Variants in COX7B2 observed in about 807,000 individuals in gnomAD.
COX7B2 encodes the protein cytochrome c oxidase subunit 7B2, mitochondrial.
For synonymous variants in COX7B2, 37 were observed against 32.1 expected (o/e 1.15, Z -0.51); for missense variants, 109 against 95.9 (o/e 1.14, Z -0.57).
intron 2 of COX7B2, among the ~76,000 whole-genome samples, chr4:46,809,650 TTCA>T (rs926659746): frequency 5.9e-5 from 9 of 151,944 alleles, no homozygotes; most frequent in Non-Finnish European, 1.3e-4. Context: ...GACTTAAATA[TTCA>T]TACATTTTTA....
intron 1 of COX7B2, among the ~76,000 whole-genome samples, chr4:46,893,810 T>A (rs1223490459): frequency 6.6e-6 from 1 of 152,006 alleles, no homozygotes; most frequent in Non-Finnish European, 1.5e-5. Context: ...TCACATAAAA[T>A]AATCAAAGAG....
intron 2 of COX7B2, among the ~76,000 whole-genome samples, chr4:46,806,224 T>C (rs552449379): frequency 6.6e-6 from 1 of 152,214 alleles, no homozygotes; most frequent in East Asian, 1.9e-4. Context: ...CAGGTGTATG[T>C]ATTTTTGTAT....
intron 1 of COX7B2, among the ~76,000 whole-genome samples, chr4:46,863,968 C>T (rs914909880): frequency 3.9e-5 from 6 of 152,256 alleles, no homozygotes; most frequent in African/African-American, 1.4e-4. Context: ...AAAACTAATT[C>T]AGGTCATGAT....
intron 2 of COX7B2, among the ~76,000 whole-genome samples, chr4:46,832,491 CA>C (rs1257719160): frequency 6.6e-6 from 1 of 152,084 alleles, no homozygotes; most frequent in African/African-American, 2.4e-5. Flanking sequence ...AATACACTGG[CA>C]AAAACCAGTT....
chr4:46,782,225 A>G (rs1717501610), intron 2 of COX7B2, among the ~76,000 whole-genome samples: 1 of 152,166 alleles, frequency 6.6e-6, no homozygotes, highest in Non-Finnish European at 1.5e-5. Flanking sequence ...TGCACCAATC[A>G]GCACTCTGTA....
At chr4:46,867,898 T>C (rs747006064) in intron 1 of COX7B2, among the ~76,000 whole-genome samples, 4 of 152,186 alleles carry the variant, frequency 2.6e-5, no homozygotes, top group Non-Finnish European at 5.9e-5. Context: ...ACAGAAAGAG[T>C]TGGGGAGGAG....
chr4:46,754,577 A>T (rs1315851946), intron 2 of COX7B2, among the ~76,000 whole-genome samples: 2 of 146,790 alleles, frequency 1.4e-5, no homozygotes, highest in East Asian at 2.1e-4. Flanking sequence ...GCATTAGGAG[A>T]TATACCTAAT....
At chr4:46,798,579 G>A (rs916647322) in intron 2 of COX7B2, among the ~76,000 whole-genome samples, 2 of 152,170 alleles carry the variant, frequency 1.3e-5, no homozygotes, top group African/African-American at 4.8e-5. Flanking sequence ...ACAAGGCCCT[G>A]CCATGATCTG....
intron 2 of COX7B2, among the ~76,000 whole-genome samples, chr4:46,777,585 G>A (rs543268400): frequency 6.5e-4 from 99 of 152,208 alleles, no homozygotes; most frequent in African/African-American, 2.3e-3. Flanking sequence ...GGTATAAATG[G>A]GGGAACTTGC....
chr4:46,807,329 A>G (rs993313220), intron 2 of COX7B2, among the ~76,000 whole-genome samples: 3 of 151,882 alleles, frequency 2.0e-5, no homozygotes, highest in Non-Finnish European at 2.9e-5. Flanking sequence ...GTGTCTATTC[A>G]TGTCTTCTGA....
At chr4:46,780,034 A>G (rs1350554436) in intron 2 of COX7B2, among the ~76,000 whole-genome samples, 3 of 152,232 alleles carry the variant, frequency 2.0e-5, no homozygotes, top group Non-Finnish European at 4.4e-5. Context: ...CACTATGGAT[A>G]TGCATATCAA....
At chr4:46,789,411 T>A (rs989461936) in intron 2 of COX7B2, among the ~76,000 whole-genome samples, 9 of 152,140 alleles carry the variant, frequency 5.9e-5, no homozygotes, top group Non-Finnish European at 1.0e-4. Context: ...CTCAAAAAAA[T>A]TTTTAAATCT....
intron 2 of COX7B2, among the ~76,000 whole-genome samples, chr4:46,775,601 T>C (rs1444233292): frequency 6.6e-6 from 1 of 152,134 alleles, no homozygotes; most frequent in Non-Finnish European, 1.5e-5. Context: ...AAAAGAAGCG[T>C]CTGAATAATG....
intron 2 of COX7B2, among the ~76,000 whole-genome samples, chr4:46,836,100 G>T (rs1715496250): frequency 6.6e-6 from 1 of 152,168 alleles, no homozygotes; most frequent in Non-Finnish European, 1.5e-5. Context: ...CTGAGTGAGT[G>T]TGAAGACCTA....
At position 46,788,493 on chromosome 4, in the gene COX7B2, G is replaced by T. The variant is rs552928446; in HGVS notation, c.-49-53252C>A. On this transcript the variant is annotated intron_variant, in intron 2 of 2. Coordinates refer to ENST00000355591, the MANE Select transcript of COX7B2 (RefSeq NM_130902.3). The stretch of plus-strand genomic sequence containing the variant: ...TCTATTTCAAGTAAAATGGCTGTTT[G>T]TAAGGAGTCAGAAATTTAAAATAAG... Among the ~76,000 whole-genome samples the T allele has an allele frequency of 1.2e-3, 186 of 152,204 alleles. 1 individual carries two copies. Among genetic ancestry groups the T allele is most frequent in the African/African-American group, 4.2e-3 (176 of 41,544 alleles).
intron 2 of COX7B2, among the ~76,000 whole-genome samples, chr4:46,764,154 C>T (rs1716384843): frequency 6.6e-6 from 1 of 152,138 alleles, no homozygotes; most frequent in African/African-American, 2.4e-5. Flanking sequence ...TTATTATGTA[C>T]AAACTTTGAG....
At chr4:46,744,898 T>G (rs1446069562) in intron 2 of COX7B2, among the ~76,000 whole-genome samples, 1 of 151,616 alleles carries the variant, frequency 6.6e-6, no homozygotes, top group African/African-American at 2.4e-5. Context: ...CCCGGCTAAT[T>G]TTGTTGTGTT....
chr4:46,875,048 G>T (rs1718238382), intron 1 of COX7B2, among the ~76,000 whole-genome samples: 4 of 152,078 alleles, frequency 2.6e-5, no homozygotes, highest in African/African-American at 9.7e-5. Flanking sequence ...GGGTAATAAG[G>T]CTGCATAACT....
intron 1 of COX7B2, among the ~76,000 whole-genome samples, chr4:46,902,108 G>T (rs967228957): frequency 1.3e-5 from 2 of 152,066 alleles, no homozygotes; most frequent in Non-Finnish European, 2.9e-5. Flanking sequence ...ATGAGCAATG[G>T]GTTTTCCAAT....
Sources: allele counts gnomAD v4.1 joint callset (sites outside exome capture counted in the v4.1 genomes callset), GRCh38; gene constraint gnomAD v4.1.1; transcripts MANE v1.5; gene names NCBI Gene and HGNC (gene_info 2026-07-23, HGNC 2026-07-21).